Variants in GOLIM4 observed in about 807,000 individuals in gnomAD.
The protein encoded by GOLIM4 is golgi integral membrane protein 4, also known as 130 kDa golgi-localized phosphoprotein.
A neutral mutation model predicts 107.4 loss-of-function variants in GOLIM4; 71 were observed. The observed-to-expected ratio is 0.66, with a 90% CI of 0.55 to 0.81. The LOEUF (loss-of-function observed/expected upper bound fraction) is 0.81, where lower values mean the gene tolerates loss of function less well. Among genes scored for constraint, GOLIM4 ranks in the 30% least tolerant of loss-of-function variants. GOLIM4 has a pLI of 0.00. For missense variants in GOLIM4, 830 were observed against 826.1 expected, an observed-to-expected ratio of 1.00 and a Z score of -0.06; for synonymous variants, 327 against 294.8, an observed-to-expected ratio of 1.11 and a Z score of -1.12.
rs746214902 is a variant in GOLIM4, at chr3:168,010,286, G to A, written c.2074C>T (p.Arg692Ter). The A allele has an allele frequency of 1.2e-5, 19 of 1,612,450 alleles. No individual in the cohort carries two copies. Among genetic ancestry groups the A allele is most frequent in the East Asian group, 2.2e-5 (1 of 44,840 alleles). The change falls in exon 16 of 16, where the codon CGA becomes TGA. Residue 692 changes from arginine (R) to a stop codon, truncating the protein, a stop_gained. Coordinates refer to ENST00000470487, the MANE Select transcript of GOLIM4 (RefSeq NM_014498.5). LOFTEE classifies it high-confidence loss of function. Reference sequence around the variant, plus strand: ...GGGTGCCGCTACATTTCAGCTCTTCGATGTGATTTCTCAGCAACTGCAGCC... The same window carrying A: ...GGGTGCCGCTACATTTCAGCTCTTCAATGTGATTTCTCAGCAACTGCAGCC... ...DGAAVAEKSH[R>*]RAEM
At chr3:168,014,232 C>A (rs1032290029) in intron 14 of GOLIM4, among the ~76,000 whole-genome samples, 11 of 151,224 alleles carry the variant, frequency 7.3e-5, no homozygotes, top group Admixed American at 2.0e-4. Flanking sequence ...CACAGAAATA[C>A]AAACTACCAT....
At chr3:168,073,780 G>C (rs760391638) in intron 1 of GOLIM4, among the ~76,000 whole-genome samples, 6 of 152,166 alleles carry the variant, frequency 3.9e-5, no homozygotes, top group Admixed American at 2.0e-4. Flanking sequence ...TTGTTCAGAG[G>C]TGAAAACATA....
chr3:168,041,311 A>G, intron 6 of GOLIM4, 81 bp downstream of exon 6: 1 of 803,404 alleles, frequency 1.2e-6, no homozygotes, highest in South Asian at 1.5e-5. Context: ...AAGCAGGCCA[A>G]TTAGGGAATG....
chr3:168,081,827 A>G (rs1721384964), intron 1 of GOLIM4, among the ~76,000 whole-genome samples: 1 of 152,222 alleles, frequency 6.6e-6, no homozygotes, highest in Non-Finnish European at 1.5e-5. Context: ...CTAAGAAATT[A>G]CTAATGGATT....
At chr3:168,033,387 C>T (rs547793085) in intron 8 of GOLIM4, among the ~76,000 whole-genome samples, 11 of 151,852 alleles carry the variant, frequency 7.2e-5, no homozygotes, top group African/African-American at 1.9e-4. Flanking sequence ...GGGTGGATCA[C>T]GAGGTCAGGA....
At chr3:168,050,072 T>C (rs1391432437) in intron 1 of GOLIM4, among the ~76,000 whole-genome samples, 1 of 152,162 alleles carries the variant, frequency 6.6e-6, no homozygotes, top group Admixed American at 6.5e-5. Flanking sequence ...CAATAATCCC[T>C]GCCCCATCCC....
intron 14 of GOLIM4, among the ~76,000 whole-genome samples, chr3:168,013,428 C>T (rs1051714944): frequency 5.3e-5 from 8 of 151,640 alleles, no homozygotes; most frequent in East Asian, 3.9e-4. Flanking sequence ...TAGACTCCCA[C>T]GCATTAATAA....
intron 14 of GOLIM4, among the ~76,000 whole-genome samples, chr3:168,011,086 T>A (rs1716986445): frequency 6.6e-6 from 1 of 152,090 alleles, no homozygotes; most frequent in Admixed American, 6.5e-5. Context: ...GCTCCCAGTG[T>A]GAGCGACGCA....
intron 1 of GOLIM4, among the ~76,000 whole-genome samples, chr3:168,065,827 C>A (rs933056227): frequency 6.6e-6 from 1 of 152,168 alleles, no homozygotes; most frequent in Non-Finnish European, 1.5e-5. Flanking sequence ...TGGCCAGAGG[C>A]AAGGGGTCCA....
intron 8 of GOLIM4, among the ~76,000 whole-genome samples, chr3:168,035,625 AAC>A (rs1718599941): frequency 6.6e-6 from 1 of 152,196 alleles, no homozygotes; most frequent in South Asian, 2.1e-4. Flanking sequence ...AGAGGGGAAC[AAC>A]ACACTGTACG....
chr3:168,012,316 A>C (rs1717091966), intron 14 of GOLIM4, among the ~76,000 whole-genome samples: 1 of 135,756 alleles, frequency 7.4e-6, no homozygotes, highest in Non-Finnish European at 1.5e-5. Flanking sequence ...GAATGAAATG[A>C]AGCGAGAAGA....
chr3:168,060,020 G>A (rs976889921), intron 1 of GOLIM4, among the ~76,000 whole-genome samples: 2 of 152,094 alleles, frequency 1.3e-5, no homozygotes, highest in Non-Finnish European at 2.9e-5. Flanking sequence ...AAGGGAAGGG[G>A]AAGGGGCAGA....
chr3:168,025,249 C>T (rs1270065787), intron 12 of GOLIM4, among the ~76,000 whole-genome samples, 154 bp from the exon 13 acceptor site: 1 of 152,232 alleles, frequency 6.6e-6, no homozygotes, highest in Admixed American at 6.5e-5. Context: ...TCAAGCATCA[C>T]ACTGTCAAAA....
intron 1 of GOLIM4, among the ~76,000 whole-genome samples, chr3:168,073,277 T>C (rs1720924406): frequency 6.6e-6 from 1 of 152,242 alleles, no homozygotes. Flanking sequence ...TTCTTTGTGT[T>C]TGTAACTTCA....
intron 14 of GOLIM4, among the ~76,000 whole-genome samples, chr3:168,021,594 A>G (rs1577507103): frequency 6.6e-6 from 1 of 152,212 alleles, no homozygotes; most frequent in East Asian, 1.9e-4. Context: ...TGAACCCGGA[A>G]GGCGGAGGTT....
intron 1 of GOLIM4, among the ~76,000 whole-genome samples, chr3:168,092,841 C>CA (rs1371935961): frequency 6.6e-6 from 1 of 151,910 alleles, no homozygotes; most frequent in Non-Finnish European, 1.5e-5. Context: ...AGTGAATCCA[C>CA]AAAAAACAAA....
intron 1 of GOLIM4, among the ~76,000 whole-genome samples, chr3:168,055,283 G>A (rs1719880831): frequency 6.6e-6 from 1 of 152,156 alleles, no homozygotes; most frequent in Non-Finnish European, 1.5e-5. Context: ...ATGGCTTTAA[G>A]CAAAATGCTG....
chr3:168,044,988 A>G (rs767584747), intron 3 of GOLIM4, 107 bp from the exon 4 acceptor site: 6 of 608,998 alleles, frequency 9.9e-6, no homozygotes, highest in East Asian at 3.1e-5. Flanking sequence ...ACTTGTGTAC[A>G]GTAAAATGAA....
Position 168,029,837 on chromosome 3 carries a change from G to A in GOLIM4, c.1376C>T (p.Ala459Val), listed in dbSNP as rs1718210571. 6.2e-7 allele frequency: 1 copy of A among 1,613,896 alleles called. No individual in the cohort carries two copies. Among genetic ancestry groups the A allele is most frequent in the Non-Finnish European group, 8.5e-7 (1 of 1,180,014 alleles). The change falls in exon 10 of 16, where the codon GCC (alanine) becomes GTC (valine). Residue 459 changes from alanine to valine, a missense_variant. By Grantham distance (64) the Ala-to-Val change is moderately conservative. Transcript: ENST00000470487. The part of the protein sequence containing the change: ...QQQQQVAREM[A>V]LQRQAELEEG... ...CTCAAGCTCAGCCTGCCTCTGCAGG[G>A]CCATCTCTCTTGCCACCTGCTGCTG...
Sources: allele counts gnomAD v4.1 joint callset (sites outside exome capture counted in the v4.1 genomes callset), GRCh38; gene constraint gnomAD v4.1.1; transcripts MANE v1.5; gene names NCBI Gene and HGNC (gene_info 2026-07-23, HGNC 2026-07-21).